RBFOX1: variants seen among roughly 807,000 people sequenced by gnomAD.
RBFOX1 encodes the protein RNA binding fox-1 homolog 1.
A neutral mutation model predicts 57.7 loss-of-function variants in RBFOX1; 8 were observed. The ratio of observed to expected loss-of-function variants is 0.14; its 90% CI spans 0.08 to 0.25. The LOEUF is 0.25. Ranked by LOEUF, RBFOX1 falls within the 10% of genes least tolerant of loss-of-function variation. RBFOX1 has a pLI of 1.00. For missense variants in RBFOX1, 611 were observed against 548.5 expected (o/e 1.11, Z -1.14); for synonymous variants, 326 against 222.4 (o/e 1.47, Z -4.15).
At chr16:5,402,881 G>C (rs1362930133) in intron 1 of RBFOX1, among the ~76,000 whole-genome samples, 1 of 152,110 alleles carries the variant, frequency 6.6e-6, no homozygotes, top group Non-Finnish European at 1.5e-5. Flanking sequence ...CCGCATACTA[G>C]TAAACAAGAG....
chr16:6,611,175 G>A (rs577383727), intron 2 of RBFOX1, among the ~76,000 whole-genome samples: 1 of 152,132 alleles, frequency 6.6e-6, no homozygotes, highest in African/African-American at 2.4e-5. Flanking sequence ...AGGGGACGAA[G>A]TCTCTCTGTC....
intron 3 of RBFOX1, among the ~76,000 whole-genome samples, chr16:5,847,417 A>C (rs1473954649): frequency 2.0e-5 from 3 of 152,130 alleles, no homozygotes; most frequent in African/African-American, 7.2e-5. Flanking sequence ...AAAGGATTAA[A>C]ATGTGTGCAC....
chr16:6,442,024 A>G (rs1023530602), intron 2 of RBFOX1, among the ~76,000 whole-genome samples: 12 of 152,198 alleles, frequency 7.9e-5, no homozygotes, highest in African/African-American at 2.7e-4. Flanking sequence ...TGAGGAATTC[A>G]TAGGCTTTGT....
intron 3 of RBFOX1, among the ~76,000 whole-genome samples, chr16:6,910,554 G>A (rs1255072598): frequency 6.6e-6 from 1 of 152,128 alleles, no homozygotes; most frequent in African/African-American, 2.4e-5. Flanking sequence ...GTCCAAAACG[G>A]CCCCTATTGG....
chr16:5,292,781 G>T (rs1259571723), intron 1 of RBFOX1, among the ~76,000 whole-genome samples: 2 of 151,926 alleles, frequency 1.3e-5, no homozygotes, highest in African/African-American at 4.8e-5. Context: ...GTGTCACCAC[G>T]CCCGGCTAAT....
intron 4 of RBFOX1, among the ~76,000 whole-genome samples, chr16:7,416,452 TAGAG>T (rs1363669656): frequency 2.6e-5 from 4 of 152,104 alleles, no homozygotes; most frequent in African/African-American, 9.7e-5. Flanking sequence ...TGCTGATTGT[TAGAG>T]GGAGGAAGTG....
intron 2 of RBFOX1, among the ~76,000 whole-genome samples, chr16:6,407,024 A>G (rs147335755): frequency 1.3e-5 from 2 of 152,282 alleles, no homozygotes; most frequent in East Asian, 3.9e-4. Flanking sequence ...CTCTTTTGAA[A>G]GAGGTTTGGA....
intron 3 of RBFOX1, among the ~76,000 whole-genome samples, chr16:5,709,243 A>C (rs2051363389): frequency 6.6e-6 from 1 of 152,160 alleles, no homozygotes; most frequent in Non-Finnish European, 1.5e-5. Flanking sequence ...CATGGTAGAG[A>C]ACACAGGATG....
chr16:5,301,618 C>CAAAAAAAAAAAAAAA (rs60501583), intron 1 of RBFOX1, among the ~76,000 whole-genome samples: 1 of 87,056 alleles, frequency 1.1e-5, no homozygotes, highest in Admixed American at 1.5e-4. Context: ...GTCTCCATCT[C>CAAAAAAAAAAAAAAA]AAAAAAAAAA....
rs372512900 is a variant in RBFOX1 at position 6,880,655 on chromosome 16, C to T, written c.-15-171402C>T. ...AAAAAATCAACCCAAATAAAATTAGCAGTAAAGAAATCTAGATAAAAAGAG... is the reference window on the plus strand; with the variant it reads ...AAAAAATCAACCCAAATAAAATTAGTAGTAAAGAAATCTAGATAAAAAGAG... On this transcript the variant is annotated intron_variant, in intron 3 of 15. Coordinates refer to ENST00000550418, the MANE Select transcript of RBFOX1 (RefSeq NM_018723.4). Among the ~76,000 whole-genome samples, 24 of 152,184 alleles carry T rather than the reference C, an allele frequency of 1.6e-4. No individual in the cohort carries two copies. In the East Asian group the frequency reaches 3.3e-3, roughly 21 times the overall value.
At chr16:7,204,065 A>G (rs922779779) in intron 4 of RBFOX1, among the ~76,000 whole-genome samples, 1 of 152,218 alleles carries the variant, frequency 6.6e-6, no homozygotes, top group South Asian at 2.1e-4. Flanking sequence ...ACTTCTCCAG[A>G]TTTCCATATT....
At chr16:6,948,375 C>CCTTTTTT (rs2079988899) in intron 3 of RBFOX1, among the ~76,000 whole-genome samples, 2 of 67,968 alleles carry the variant, frequency 2.9e-5, no homozygotes, top group African/African-American at 1.3e-4. Flanking sequence ...TTCTCCCTTT[C>CCTTTTTT]TTTTTTTTTT....
chr16:6,887,526 C>T (rs1051655903), intron 3 of RBFOX1, among the ~76,000 whole-genome samples: 7 of 151,870 alleles, frequency 4.6e-5, no homozygotes, highest in African/African-American at 1.5e-4. Flanking sequence ...AGGTGATTTC[C>T]CTATATCTGT....
At chr16:6,442,893 G>A (rs1793805001) in intron 2 of RBFOX1, among the ~76,000 whole-genome samples, 2 of 152,170 alleles carry the variant, frequency 1.3e-5, no homozygotes, top group South Asian at 2.1e-4. Context: ...AAATGATTGT[G>A]TGTTTGCCAT....
At chr16:6,635,728 G>C (rs1200310858) in intron 2 of RBFOX1, among the ~76,000 whole-genome samples, 3 of 152,138 alleles carry the variant, frequency 2.0e-5, no homozygotes, top group Non-Finnish European at 2.9e-5. Context: ...TGCTGCCTAA[G>C]AGAGATCAAT....
intron 4 of RBFOX1, among the ~76,000 whole-genome samples, chr16:7,402,994 G>A (rs951494699): frequency 4.6e-5 from 7 of 152,126 alleles, no homozygotes; most frequent in Non-Finnish European, 7.4e-5. Context: ...TGAAGGAGGA[G>A]GTGAACCTGG....
intron 1 of RBFOX1, among the ~76,000 whole-genome samples, chr16:6,284,470 C>T (rs1163245588): frequency 1.3e-5 from 2 of 152,140 alleles, no homozygotes; most frequent in Non-Finnish European, 2.9e-5. Context: ...GGACAGCAGC[C>T]TGCAGAACTG....
At chr16:7,362,771 C>T (rs955964616) in intron 4 of RBFOX1, among the ~76,000 whole-genome samples, 3 of 151,882 alleles carry the variant, frequency 2.0e-5, no homozygotes, top group Non-Finnish European at 2.9e-5. Flanking sequence ...TGTTTCTGTG[C>T]GTATATGTGT....
At chr16:7,579,447 C>T (rs942111452) in intron 5 of RBFOX1, among the ~76,000 whole-genome samples, 1 of 152,046 alleles carries the variant, frequency 6.6e-6, no homozygotes, top group Non-Finnish European at 1.5e-5. Context: ...CCTTCCTTTG[C>T]TTTTTCTAGC....
Sources: gnomAD v4.1 joint callset for allele counts (sites outside exome capture counted in the v4.1 genomes callset) on GRCh38, gnomAD v4.1.1 for gene constraint, MANE v1.5 for transcripts, NCBI Gene and HGNC (gene_info 2026-07-23, HGNC 2026-07-21) for gene names.